Variants in SLIT3 observed in about 807,000 individuals in gnomAD.
SLIT3 encodes slit guidance ligand 3, also known as slit homolog 3 protein.
A neutral mutation model predicts 184.0 loss-of-function variants in SLIT3; 68 were observed. The ratio of observed to expected loss-of-function variants is 0.37; its 90% CI spans 0.30 to 0.45. SLIT3 has a LOEUF of 0.45. Ranked by LOEUF, SLIT3 falls within the 20% of genes least tolerant of loss-of-function variation. SLIT3 has a pLI of 1.00. For synonymous variants in SLIT3, 831 were observed against 828.6 expected (o/e 1.00, Z -0.05); for missense variants, 1,707 against 2,026.0 (o/e 0.84, Z 3.02).
At chr5:169,021,334 A>G (rs1013273838) in intron 4 of SLIT3, among the ~76,000 whole-genome samples, 2 of 152,046 alleles carry the variant, frequency 1.3e-5, no homozygotes, top group African/African-American at 2.4e-5. Flanking sequence ...TTATGTATTT[A>G]TGGTGAGATA....
chr5:168,887,980 C>G (rs1427285253), intron 4 of SLIT3, among the ~76,000 whole-genome samples: 2 of 152,132 alleles, frequency 1.3e-5, no homozygotes, highest in African/African-American at 4.8e-5. Context: ...CCTCTGTCAT[C>G]TAGACAGGGG....
chr5:168,763,511 T>C (rs1755230510), intron 14 of SLIT3, among the ~76,000 whole-genome samples: 1 of 152,136 alleles, frequency 6.6e-6, no homozygotes, highest in Non-Finnish European at 1.5e-5. Flanking sequence ...ATAACTATAG[T>C]GAAAGGCACG....
chr5:168,669,649 G>GAGGCTCAGA (rs1561865182), intron 35 of SLIT3, 134 bp downstream of exon 35: 3 of 688,294 alleles, frequency 4.4e-6, no homozygotes, highest in Non-Finnish European at 7.7e-6. Context: ...TGAGGGAATT[G>GAGGCTCAGA]AGGCTCAGAA....
intron 4 of SLIT3, among the ~76,000 whole-genome samples, chr5:168,932,347 GACACACACACACACACACACAC>G (rs375350401): frequency 7.6e-6 from 1 of 131,096 alleles, no homozygotes; most frequent in South Asian, 2.7e-4. Context: ...AGGGGAAAAA[GACACACACACACACACACACAC>G]ACACACACAC....
chr5:169,280,819 T>C (rs1766969644), intron 1 of SLIT3, among the ~76,000 whole-genome samples: 1 of 152,186 alleles, frequency 6.6e-6, no homozygotes, highest in Admixed American at 6.5e-5. Context: ...CTTTGGGCAA[T>C]AGCTTTTCTT....
intron 3 of SLIT3, among the ~76,000 whole-genome samples, chr5:169,214,107 A>C (rs1017760102): frequency 2.2e-5 from 3 of 135,124 alleles, no homozygotes; most frequent in Non-Finnish European, 4.7e-5. Flanking sequence ...TCATCTGTTA[A>C]ATGGAAAGAA....
At chr5:168,739,406 G>A (rs946781886) in intron 20 of SLIT3, among the ~76,000 whole-genome samples, 1 of 149,972 alleles carries the variant, frequency 6.7e-6, no homozygotes, top group Non-Finnish European at 1.5e-5. Context: ...AGTATTCCTC[G>A]CTTTTTCTTT....
At chr5:169,134,927 C>A (rs1439435679) in intron 4 of SLIT3, among the ~76,000 whole-genome samples, 2 of 152,190 alleles carry the variant, frequency 1.3e-5, no homozygotes, top group Non-Finnish European at 1.5e-5. Context: ...ATCTTCAGGG[C>A]AGAGCACAGC....
intron 11 of SLIT3, among the ~76,000 whole-genome samples, chr5:168,786,375 C>T (rs1302463581): frequency 1.3e-5 from 2 of 152,174 alleles, no homozygotes; most frequent in South Asian, 2.1e-4. Context: ...GCCCAGCCTA[C>T]AGGACGTTTC....
intron 4 of SLIT3, among the ~76,000 whole-genome samples, chr5:169,177,476 A>C (rs1025995679): frequency 1.3e-5 from 2 of 152,194 alleles, no homozygotes; most frequent in African/African-American, 4.8e-5. Context: ...CATCATTAGC[A>C]TAGCAATTTG....
At chr5:168,774,532 C>T (rs1214226408) in intron 12 of SLIT3, among the ~76,000 whole-genome samples, 154 bp from the exon 13 acceptor site, 2 of 152,180 alleles carry the variant, frequency 1.3e-5, no homozygotes, top group African/African-American at 2.4e-5. Flanking sequence ...AGAGACCTGC[C>T]TTCCTGTGTC....
chr5:168,766,255 C>A (rs1353302951), intron 14 of SLIT3, among the ~76,000 whole-genome samples: 3 of 152,170 alleles, frequency 2.0e-5, no homozygotes, highest in African/African-American at 7.2e-5. Context: ...CCCCTATTCC[C>A]AATATCCCTA....
intron 20 of SLIT3, among the ~76,000 whole-genome samples, chr5:168,732,421 C>T (rs968045899): frequency 6.6e-6 from 1 of 151,888 alleles, no homozygotes; most frequent in African/African-American, 2.4e-5. Flanking sequence ...CAATCCCTAC[C>T]AAATGACCAA....
intron 4 of SLIT3, among the ~76,000 whole-genome samples, chr5:168,922,612 T>G (rs992696884): frequency 1.3e-5 from 2 of 152,142 alleles, no homozygotes; most frequent in Admixed American, 1.3e-4. Context: ...AGATCAGAGC[T>G]GGTCTTCAAC....
At chr5:168,722,042 A>G (rs1168534586) in intron 23 of SLIT3, among the ~76,000 whole-genome samples, 1 of 152,178 alleles carries the variant, frequency 6.6e-6, no homozygotes, top group Non-Finnish European at 1.5e-5. Flanking sequence ...GATTTGCTCA[A>G]GGTTCCACAG....
chr5:168,674,381 C>A (rs1314889013), intron 32 of SLIT3, among the ~76,000 whole-genome samples: 3 of 151,990 alleles, frequency 2.0e-5, no homozygotes, highest in African/African-American at 7.3e-5. Flanking sequence ...GAAGGAAATG[C>A]TCATTAGAAG....
chr5:168,776,047 A>G (rs1755735305), intron 12 of SLIT3, among the ~76,000 whole-genome samples: 1 of 152,232 alleles, frequency 6.6e-6, no homozygotes, highest in Admixed American at 6.5e-5. Context: ...GAAATGTTGC[A>G]TTTCAAGAAT....
At chr5:169,150,181 CAA>C (rs1762066722) in intron 4 of SLIT3, among the ~76,000 whole-genome samples, 1 of 152,132 alleles carries the variant, frequency 6.6e-6, no homozygotes, top group Admixed American at 6.5e-5. Context: ...TGCAAATTAG[CAA>C]GAGTTTTTCT....
At chr5:168,775,295 C>T (rs951739755) in intron 12 of SLIT3, among the ~76,000 whole-genome samples, 8 of 152,154 alleles carry the variant, frequency 5.3e-5, no homozygotes, top group Admixed American at 3.9e-4. Flanking sequence ...GCCTTGGCCT[C>T]CAAAGTGCTG....
Sources: allele counts gnomAD v4.1 joint callset (sites outside exome capture counted in the v4.1 genomes callset), GRCh38; gene constraint gnomAD v4.1.1; transcripts MANE v1.5; gene names NCBI Gene and HGNC (gene_info 2026-07-23, HGNC 2026-07-21).